Variants in CSN1S1 observed in about 807,000 individuals in gnomAD.
CSN1S1 encodes the protein alpha-S1-casein.
Under a neutral mutation model 49.1 loss-of-function variants are expected in CSN1S1, and 63 were observed. The ratio of observed to expected loss-of-function variants is 1.28; its 90% confidence interval spans 1.05 to 1.58. CSN1S1 has a LOEUF of 1.58. Ranked by LOEUF, CSN1S1 falls within the 40% of genes most tolerant of loss-of-function variation. The probability of loss-of-function intolerance (pLI) is 0.00; values close to 1 mark genes in which losing one functional copy is unlikely to be tolerated. For synonymous variants in CSN1S1, 78 were observed against 67.1 expected (o/e 1.16, Z -0.79); for missense variants, 260 against 224.7 (o/e 1.16, Z -1.01).
intron 14 of CSN1S1, among the ~76,000 whole-genome samples, chr4:69,944,056 A>G (rs1054618072): frequency 6.6e-6 from 1 of 151,750 alleles, no homozygotes; most frequent in Non-Finnish European, 1.5e-5. Flanking sequence ...GGCCAGTTCT[A>G]TCTTGAGGTA....
At chr4:69,940,109 T>TG in intron 11 of CSN1S1, 65 bp downstream of exon 11, 1 of 463,946 alleles carries the variant, frequency 2.2e-6, no homozygotes. Context: ...ATGCACTTAC[T>TG]TTCACACACA....
intron 8 of CSN1S1, 51 bp downstream of exon 8, chr4:69,937,195 A>G: frequency 8.2e-7 from 1 of 1,213,798 alleles, no homozygotes; most frequent in Non-Finnish European, 1.1e-6. Flanking sequence ...AAAAGAAACA[A>G]TACATATTTC....
chr4:69,945,365 A>G (rs990410667), intron 15 of CSN1S1, among the ~76,000 whole-genome samples: 10 of 152,016 alleles, frequency 6.6e-5, no homozygotes, highest in African/African-American at 2.2e-4. Flanking sequence ...GGTTATACCT[A>G]TGATAAGTAT....
intron 8 of CSN1S1, 148 bp from the exon 9 acceptor site, chr4:69,937,652 A>AT: frequency 1.7e-6 from 1 of 593,142 alleles, no homozygotes; most frequent in Non-Finnish European, 2.9e-6. Flanking sequence ...CTCAGAGATA[A>AT]AGTAGGCAGT....
In CSN1S1 at chr4:69,946,483, G is replaced by A; in HGVS notation, c.*287G>A. 1 of 189,098 alleles carries A rather than the reference G, an allele frequency of 5.3e-6. No homozygotes were observed. Among genetic ancestry groups the A allele is most frequent in the Non-Finnish European group, 1.1e-5 (1 of 92,342 alleles). The allele number at this position is 189,098 out of a possible 1,614,324, so 11.7% of individuals were successfully genotyped here. On this transcript the variant is annotated 3_prime_UTR_variant, in exon 16 of 16. Transcript: ENST00000246891. ...ATTTTGTTTAAAAAGTCTTTGAATTGCCAGTTCTGTAAGTGCCATCAATTA... is the reference window on the plus strand; with the variant it reads ...ATTTTGTTTAAAAAGTCTTTGAATTACCAGTTCTGTAAGTGCCATCAATTA...
Position 69,935,907 on chromosome 4 carries a change from A to T in CSN1S1, c.106-19A>T. Reference sequence around the variant, plus strand: ...AACTCAACTATGAATGAATTTTAACATAACTTTTTTTTTTGTAGCCTATAC... The same window carrying T: ...AACTCAACTATGAATGAATTTTAACTTAACTTTTTTTTTTGTAGCCTATAC... On this transcript the variant is annotated intron_variant, in intron 4 of 15. Transcript: ENST00000246891. 2 of 1,484,276 alleles carry T rather than the reference A, an allele frequency of 1.3e-6. No homozygotes were observed. Among genetic ancestry groups the T allele is most frequent in the Non-Finnish European group, 1.8e-6 (2 of 1,090,336 alleles). 91.9% of individuals were successfully genotyped at this position (1,484,276 alleles called of 1,614,324 possible).
intron 14 of CSN1S1, 101 bp from the exon 15 acceptor site, chr4:69,944,749 A>T: frequency 8.4e-7 from 1 of 1,185,400 alleles, no homozygotes; most frequent in Non-Finnish European, 1.2e-6. Context: ...TTATCATGCT[A>T]ACAGGCATCT....
At chr4:69,936,097 C>T (rs985199363) in intron 5 of CSN1S1, 148 bp downstream of exon 5, 3 of 660,952 alleles carry the variant, frequency 4.5e-6, no homozygotes, top group Admixed American at 6.1e-5. Flanking sequence ...GTTAAATGCA[C>T]ATTTACATAC....
intron 14 of CSN1S1, 67 bp downstream of exon 14, chr4:69,942,644 A>T (rs1723014407): frequency 8.1e-7 from 1 of 1,230,460 alleles, no homozygotes; most frequent in African/African-American, 1.5e-5. Flanking sequence ...TTTGCTCTTA[A>T]ATAGCCCCCT....
intron 12 of CSN1S1, among the ~76,000 whole-genome samples, 172 bp from the exon 13 acceptor site, chr4:69,941,874 C>T (rs1722978279): frequency 6.6e-6 from 1 of 151,746 alleles, no homozygotes; most frequent in Non-Finnish European, 1.5e-5. Context: ...TAGTCTGTAA[C>T]CTCCACAACT....
chr4:69,934,539 A>G (rs997412085), intron 3 of CSN1S1, 151 bp from the exon 4 acceptor site: 5 of 705,330 alleles, frequency 7.1e-6, no homozygotes, highest in East Asian at 2.8e-5. Flanking sequence ...AATGTTACAC[A>G]TATTCAAGCA....
intron 4 of CSN1S1, 130 bp downstream of exon 4, chr4:69,934,840 A>G: frequency 1.3e-6 from 1 of 771,152 alleles, no homozygotes; most frequent in South Asian, 1.7e-5. Context: ...CAACTCAAGT[A>G]CCTGGATTGC....
At position 69,942,576 on chromosome 4, in the gene CSN1S1, T is replaced by C; in HGVS notation, c.401T>C (p.Val134Ala). 1 of 1,582,586 alleles carries C rather than the reference T, an allele frequency of 6.3e-7. No individual in the cohort carries two copies. The highest frequency in any genetic ancestry group is 8.6e-7 in the Non-Finnish European group (1 of 1,162,284). Reference sequence around the variant, plus strand: ...ATGAATGAAAACAGCCATGTCCAAGTGGTAATATTTTGCTTAATATATTAC... The same window carrying C: ...ATGAATGAAAACAGCCATGTCCAAGCGGTAATATTTTGCTTAATATATTAC... ...RRMNENSHVQ[V>A]PFQQLNQLAA... Residue 134 changes from valine to alanine, a missense_variant and splice_region_variant, in exon 14 of 16, where the codon GTG becomes GCG. Val to Ala is a moderately conservative substitution (Grantham distance 64). Transcript: ENST00000246891.
In CSN1S1 at chr4:69,932,617, T is replaced by C; in HGVS notation, c.51+11T>C. The stretch of plus-strand genomic sequence containing the variant: ...GCTCTTGCCAGGCCTGTAAGTTCAG[T>C]AGAGAATTTAGAAAGTCTTAGACTC... On this transcript the variant is annotated intron_variant, in intron 2 of 15. Coordinates refer to ENST00000246891, the MANE Select transcript of CSN1S1 (RefSeq NM_001890.2). 1.9e-6 allele frequency: 3 copies of C among 1,585,524 alleles called. No homozygotes were observed. The highest frequency in any genetic ancestry group is 2.6e-6 in the Non-Finnish European group (3 of 1,162,740).
At chr4:69,940,173 C>T in intron 11 of CSN1S1, 129 bp downstream of exon 11, 2 of 421,456 alleles carry the variant, frequency 4.7e-6, no homozygotes, top group Admixed American at 4.7e-5. Context: ...TATACCAATG[C>T]CATCTGGAAA....
chr4:69,932,248 A>AT (rs1560384715), intron 1 of CSN1S1, among the ~76,000 whole-genome samples: 1 of 151,940 alleles, frequency 6.6e-6, no homozygotes, highest in Non-Finnish European at 1.5e-5. Flanking sequence ...TCTAAGCCAT[A>AT]TTATTACATT....
At chr4:69,942,960 AC>A (rs1208083872) in intron 14 of CSN1S1, among the ~76,000 whole-genome samples, 22 of 148,412 alleles carry the variant, frequency 1.5e-4, no homozygotes, top group African/African-American at 4.2e-4. Flanking sequence ...AAAAAAAAAA[AC>A]CATGTAAAGA....
chr4:69,942,705 A>C, intron 14 of CSN1S1, 128 bp downstream of exon 14: 1 of 692,754 alleles, frequency 1.4e-6, no homozygotes, highest in Non-Finnish European at 2.5e-6. Context: ...CCCAACTTAA[A>C]TCTCAGTTCT....
chr4:69,932,684 C>A (rs944459469), intron 2 of CSN1S1, 78 bp downstream of exon 2: 3 of 1,279,976 alleles, frequency 2.3e-6, no homozygotes, highest in African/African-American at 1.5e-5. Context: ...ATAGGATACC[C>A]AGAGAAATAA....
Sources: allele counts gnomAD v4.1 joint callset (sites outside exome capture counted in the v4.1 genomes callset), GRCh38; gene constraint gnomAD v4.1.1; transcripts MANE v1.5; gene names NCBI Gene and HGNC (gene_info 2026-07-23, HGNC 2026-07-21).